Variants in OR56A3 observed in about 807,000 individuals in gnomAD.
OR56A3 encodes olfactory receptor 56A3.
In OR56A3, 23 loss-of-function variants were observed where a neutral mutation model predicts 17.5. That is an observed-to-expected ratio of 1.32 (90% CI 0.95 to 1.87). The LOEUF is 1.87. Ranked by LOEUF, OR56A3 falls within the 40% of genes most tolerant of loss-of-function variation. OR56A3 has a pLI of 0.00. For missense variants in OR56A3, 366 were observed against 380.1 expected, an observed-to-expected ratio of 0.96 and a Z score of 0.31; for synonymous variants, 175 against 150.6, an observed-to-expected ratio of 1.16 and a Z score of -1.19.
the OR56A3 span, chr11:6,002,422 A>T: frequency 6.2e-7 from 1 of 1,614,262 alleles, no homozygotes; most frequent in Non-Finnish European, 8.5e-7. Context: ...TCATCACAAG[A>T]GAGTTTGGAC....
chr11:5,976,962 T>C, the OR56A3 span, among the ~76,000 whole-genome samples: 1 of 152,196 alleles, frequency 6.6e-6, no homozygotes, highest in African/African-American at 2.4e-5. Flanking sequence ...AGACAGAATA[T>C]GTGGTATTTG....
rs750866403 is a variant in OR56A3 at position 5,948,309 on chromosome 11, T to G, written c.*15T>G. The G allele has an allele frequency of 5.3e-6, 8 of 1,510,532 alleles. No homozygotes were observed. In the East Asian group the frequency reaches 1.8e-4, roughly 34 times the overall value. 93.6% of individuals were successfully genotyped at this position (1,510,532 alleles called of 1,614,324 possible). On this transcript the variant is annotated 3_prime_UTR_variant, in exon 3 of 3. Coordinates refer to ENST00000641160, the MANE Select transcript of OR56A3 (RefSeq NM_001003443.3). The stretch of plus-strand genomic sequence containing the variant: ...AAGGGTGCTAACAAGGACCACTGGA[T>G]CTCTGAATATCTAAAATAAGATAAT...
chr11:5,955,039 T>C (rs1847925568), downstream of OR56A3, among the ~76,000 whole-genome samples: 1 of 152,024 alleles, frequency 6.6e-6, no homozygotes, highest in Admixed American at 6.6e-5. Context: ...TAAAGAACAA[T>C]CACTGGGGAA....
At chr11:5,967,320 G>A in the OR56A3 span, 1 of 492,888 alleles carries the variant, frequency 2.0e-6, no homozygotes, top group Admixed American at 3.8e-5. Flanking sequence ...TCACATAGAT[G>A]AAGTCAAGAA....
chr11:6,014,322 C>T, the OR56A3 span, among the ~76,000 whole-genome samples: 973 of 152,260 alleles, frequency 6.4e-3, 7 homozygotes, highest in African/African-American at 0.023. Flanking sequence ...TGGTGGGAGA[C>T]GATTGACTCA....
chr11:6,002,354 A>G, the OR56A3 span: 2 of 1,614,188 alleles, frequency 1.2e-6, no homozygotes, highest in Admixed American at 1.7e-5. Flanking sequence ...TAAGGATAAG[A>G]TCAGAGCCCA....
chr11:5,974,526 G>C, the OR56A3 span, among the ~76,000 whole-genome samples: 2 of 152,224 alleles, frequency 1.3e-5, no homozygotes, highest in Non-Finnish European at 1.5e-5. Flanking sequence ...AACATGAGAT[G>C]CTAGGATTCG....
chr11:6,009,256 C>T, the OR56A3 span, among the ~76,000 whole-genome samples: 1 of 152,084 alleles, frequency 6.6e-6, no homozygotes, highest in South Asian at 2.1e-4. Flanking sequence ...CAAATTTTTG[C>T]TCCATTTCAT....
chr11:5,998,144 A>G, the OR56A3 span, among the ~76,000 whole-genome samples: 1 of 152,206 alleles, frequency 6.6e-6, no homozygotes, highest in East Asian at 1.9e-4. Context: ...ACAATGGTGC[A>G]TAACTGGGTG....
At chr11:6,016,373 A>T in the OR56A3 span, among the ~76,000 whole-genome samples, 1 of 152,154 alleles carries the variant, frequency 6.6e-6, no homozygotes, top group Non-Finnish European at 1.5e-5. Flanking sequence ...TCTTTCTAGC[A>T]GTGTAAGAAT....
At chr11:6,013,348 C>T in the OR56A3 span, among the ~76,000 whole-genome samples, 1 of 152,210 alleles carries the variant, frequency 6.6e-6, no homozygotes, top group African/African-American at 2.4e-5. Context: ...GCCCAGAACT[C>T]CCCCTTGCCC....
At chr11:6,011,200 TA>T in the OR56A3 span, among the ~76,000 whole-genome samples, 2 of 87,166 alleles carry the variant, frequency 2.3e-5, no homozygotes, top group African/African-American at 6.8e-5. Context: ...AGAGGAGATT[TA>T]TTTTATATAT....
At chr11:6,004,323 C>T in the OR56A3 span, among the ~76,000 whole-genome samples, 76 of 152,002 alleles carry the variant, frequency 5.0e-4, no homozygotes, top group Middle Eastern at 3.4e-3. Context: ...CACTGCACTC[C>T]GGCCTGGCAA....
At chr11:6,015,462 T>C in the OR56A3 span, among the ~76,000 whole-genome samples, 1 of 152,178 alleles carries the variant, frequency 6.6e-6, no homozygotes, top group Non-Finnish European at 1.5e-5. Context: ...AGTGGAGCTG[T>C]AAGAACAGGG....
chr11:5,953,630 G>T (rs1271785517), downstream of OR56A3, among the ~76,000 whole-genome samples: 1 of 152,060 alleles, frequency 6.6e-6, no homozygotes, highest in Non-Finnish European at 1.5e-5. Context: ...CCCAAATCCA[G>T]GACCAGGACA....
the OR56A3 span, chr11:6,000,723 C>CA: frequency 6.6e-6 from 1 of 152,074 alleles, no homozygotes; most frequent in African/African-American, 2.4e-5. Context: ...AGAGAGAGAG[C>CA]AAAATGGGAA....
the OR56A3 span, chr11:6,017,091 T>C: frequency 3.5e-5 from 5 of 143,540 alleles, no homozygotes; most frequent in Non-Finnish European, 7.6e-5. Flanking sequence ...AGAGACCTCC[T>C]GGGAATATTG....
At chr11:5,972,940 G>C in the OR56A3 span, among the ~76,000 whole-genome samples, 1 of 152,152 alleles carries the variant, frequency 6.6e-6, no homozygotes, top group Non-Finnish European at 1.5e-5. Flanking sequence ...TTCTGCATCT[G>C]ACTACTTGAC....
At chr11:5,953,493 G>T (rs1467465298), downstream of OR56A3, among the ~76,000 whole-genome samples, 1 of 152,048 alleles carries the variant, frequency 6.6e-6, no homozygotes, top group Non-Finnish European at 1.5e-5. Context: ...TCTTAATAGA[G>T]TTCCAAGTAA....
Sources: gnomAD v4.1 joint callset for allele counts (sites outside exome capture counted in the v4.1 genomes callset) on GRCh38, gnomAD v4.1.1 for gene constraint, MANE v1.5 for transcripts, NCBI Gene and HGNC (gene_info 2026-07-23, HGNC 2026-07-21) for gene names.